KCNK9: variants seen among roughly 807,000 people sequenced by gnomAD.
KCNK9 encodes potassium channel subfamily K member 9.
KCNK9 carries 1 observed loss-of-function variant against 10.8 expected under a neutral mutation model. The observed-to-expected ratio is 0.09, with a 90% CI of 0.03 to 0.44. The LOEUF (loss-of-function observed/expected upper bound fraction) is 0.44. Among genes scored for constraint, KCNK9 ranks in the 20% least tolerant of loss-of-function variants. The probability of loss-of-function intolerance (pLI) is 0.97; values close to 1 mark genes in which losing one functional copy is unlikely to be tolerated. For missense variants in KCNK9, 303 were observed against 515.0 expected (o/e 0.59, Z 3.98); for synonymous variants, 231 against 222.7 (o/e 1.04, Z -0.33).
intron 1 of KCNK9, among the ~76,000 whole-genome samples, chr8:139,623,754 C>T (rs750338825): frequency 1.2e-4 from 18 of 152,162 alleles, no homozygotes; most frequent in East Asian, 1.9e-4. Flanking sequence ...CCACTGGCCA[C>T]GCTTCCCTCA....
intron 1 of KCNK9, among the ~76,000 whole-genome samples, chr8:139,701,273 T>C (rs547130583): frequency 6.6e-6 from 1 of 152,108 alleles, no homozygotes; most frequent in Non-Finnish European, 1.5e-5. Flanking sequence ...GCCAAGCTGA[T>C]TATGTAGATA....
intron 1 of KCNK9, among the ~76,000 whole-genome samples, chr8:139,658,744 C>G (rs151077244): frequency 6.6e-6 from 1 of 152,266 alleles, no homozygotes; most frequent in Non-Finnish European, 1.5e-5. Flanking sequence ...GAGGCCTGGA[C>G]TTCCCCACGG....
chr8:139,616,964 G>A (rs1814611970), downstream of KCNK9: 2 of 152,088 alleles, frequency 1.3e-5, no homozygotes, highest in Admixed American at 1.3e-4. Flanking sequence ...ATCCCCTATT[G>A]AGAGTAGGGA....
At chr8:139,685,007 CTGAT>C (rs1284540594) in intron 1 of KCNK9, among the ~76,000 whole-genome samples, 1 of 152,164 alleles carries the variant, frequency 6.6e-6, no homozygotes, top group Non-Finnish European at 1.5e-5. Context: ...TGTGTGCAAG[CTGAT>C]TGAGCCAGGA....
chr8:139,647,452 C>T (rs946161763), intron 1 of KCNK9, among the ~76,000 whole-genome samples: 5 of 152,082 alleles, frequency 3.3e-5, no homozygotes, highest in Admixed American at 1.3e-4. Context: ...GGGGGCAGGG[C>T]GGGAGACAGT....
chr8:139,617,903 CTCTGTCTCCGTGGTCTTGGTCTCACA>C lies in KCNK9; in HGVS notation c.*329_*354del, dbSNP rs1814649500. 3.0e-6 allele frequency: 1 copy of C among 336,570 alleles called. No homozygotes were observed. Among genetic ancestry groups the C allele is most frequent in the African/African-American group, 2.1e-5 (1 of 46,736 alleles). 20.8% of individuals were successfully genotyped at this position (336,570 alleles called of 1,614,324 possible). A position where few individuals can be genotyped will look rare whatever the true frequency, so the allele number is the denominator to read the frequency against. ...AGCTTTGGGGTGGGTATCCTCTCAG[CTCTGTCTCCGTGGTCTTGGTCTCACA>C]TCTGTCCCGGGAAAACCACTGCAGA... On this transcript the variant is annotated 3_prime_UTR_variant, in exon 2 of 2. Transcript: ENST00000520439.
Position 139,680,393 on chromosome 8 carries a change from G to A in KCNK9, c.283+22317C>T, listed in dbSNP as rs146226934. Among the ~76,000 whole-genome samples, 11 of 152,308 alleles carry A rather than the reference G, an allele frequency of 7.2e-5. No homozygotes were observed. In the East Asian group the frequency reaches 1.9e-3, roughly 27 times the overall value. On this transcript the variant is annotated intron_variant, in intron 1 of 1. Coordinates refer to ENST00000520439, the MANE Select transcript of KCNK9 (RefSeq NM_001282534.2). The stretch of plus-strand genomic sequence containing the variant: ...CACAGCCATTATCCCGGGCCTACAA[G>A]TAGCAGCTTGGGGGCTAACTGGGTC...
chr8:139,608,263 T>C (rs562083657), downstream of KCNK9, among the ~76,000 whole-genome samples: 453 of 152,216 alleles, frequency 3.0e-3, no homozygotes, highest in Non-Finnish European at 4.9e-3. Flanking sequence ...CCTGCCAACC[T>C]GTGAGTCTCA....
rs113586828 is a variant in KCNK9 at position 139,671,927 on chromosome 8, A to G, written c.283+30783T>C. Among the ~76,000 whole-genome samples, 595 of 152,208 alleles carry G rather than the reference A, an allele frequency of 3.9e-3. 2 individuals carry two copies. Among genetic ancestry groups the G allele is most frequent in the African/African-American group, 0.014 (575 of 41,532 alleles). ...CGTGGCAGGAGCACCACCGGCCCCC[A>G]CCTGTCCTCATGGGGTCTGCAGTGC... On this transcript the variant is annotated intron_variant, in intron 1 of 1. Coordinates refer to ENST00000520439, the MANE Select transcript of KCNK9 (RefSeq NM_001282534.2).
intron 2 of KCNK9, among the ~76,000 whole-genome samples, chr8:139,602,279 G>A (rs1277707634): frequency 6.6e-6 from 1 of 152,244 alleles, no homozygotes; most frequent in Non-Finnish European, 1.5e-5. Context: ...CAGGCATGCA[G>A]GATGGGTTGG....
intron 1 of KCNK9, among the ~76,000 whole-genome samples, chr8:139,654,605 C>T (rs1815966886): frequency 6.6e-6 from 1 of 152,266 alleles, no homozygotes; most frequent in Non-Finnish European, 1.5e-5. Flanking sequence ...CAGGCCACAG[C>T]TGAACTGTCA....
At chr8:139,675,428 T>C (rs1446071668) in intron 1 of KCNK9, among the ~76,000 whole-genome samples, 1 of 152,202 alleles carries the variant, frequency 6.6e-6, no homozygotes, top group African/African-American at 2.4e-5. Context: ...AATTAGGTCC[T>C]GGGGGTAGAG....
chr8:139,671,120 A>C (rs1259767396), intron 1 of KCNK9, among the ~76,000 whole-genome samples: 1 of 152,190 alleles, frequency 6.6e-6, no homozygotes, highest in Admixed American at 6.5e-5. Flanking sequence ...AAGCGTAACC[A>C]CAATAGCAAC....
chr8:139,670,145 T>C (rs1486731044), intron 1 of KCNK9, among the ~76,000 whole-genome samples: 2 of 152,194 alleles, frequency 1.3e-5, no homozygotes, highest in Non-Finnish European at 2.9e-5. Context: ...TTAGGGGGAA[T>C]GGCTGGTGGG....
chr8:139,679,482 C>A lies in KCNK9; in HGVS notation c.283+23228G>T, dbSNP rs150868608. ...TGGTCAGATTTTTCTAACAAGAAGT[C>A]AACACAGTCTAGCGATCATTCAGCC... On this transcript the variant is annotated intron_variant, in intron 1 of 1. Transcript: ENST00000520439. Among the ~76,000 whole-genome samples, 1,287 of 152,352 alleles carry A rather than the reference C, an allele frequency of 8.4e-3. 11 individuals carry two copies. Among genetic ancestry groups the A allele is most frequent in the Middle Eastern group, 0.014 (4 of 294 alleles).
chr8:139,672,856 G>A (rs182852516), intron 1 of KCNK9, among the ~76,000 whole-genome samples: 2,709 of 152,336 alleles, frequency 0.018, 41 homozygotes, highest in South Asian at 0.025. Context: ...CCCAAGCCCC[G>A]GGGCACCTGC....
intron 1 of KCNK9, among the ~76,000 whole-genome samples, chr8:139,674,313 C>T (rs1029051069): frequency 7.9e-5 from 12 of 152,154 alleles, no homozygotes; most frequent in Non-Finnish European, 7.4e-5. Context: ...CATGTACAGC[C>T]GGAAGCTGGC....
rs548113237 is a variant in KCNK9 at position 139,701,174 on chromosome 8, G to A, written c.283+1536C>T. Among the ~76,000 whole-genome samples, 11 of 152,302 alleles carry A rather than the reference G, an allele frequency of 7.2e-5. No homozygotes were observed. The East Asian group carries it at 1.4e-3, about 19-fold the overall frequency. ...AAAGCCAGAGAAAATGGCAATGACT[G>A]GCCCTCTCAGAAGCTGGAAACACAG... On this transcript the variant is annotated intron_variant, in intron 1 of 1. Coordinates refer to ENST00000520439, the MANE Select transcript of KCNK9 (RefSeq NM_001282534.2).
At chr8:139,700,532 A>G (rs1245698026) in intron 1 of KCNK9, among the ~76,000 whole-genome samples, 1,371 of 124,866 alleles carry the variant, frequency 0.011, 21 homozygotes, top group African/African-American at 0.039. Flanking sequence ...ACACACACAC[A>G]CACACACGCG....
Sources: gnomAD v4.1 joint callset for allele counts (sites outside exome capture counted in the v4.1 genomes callset) on GRCh38, gnomAD v4.1.1 for gene constraint, MANE v1.5 for transcripts, NCBI Gene and HGNC (gene_info 2026-07-23, HGNC 2026-07-21) for gene names.